ATAD2B: variants seen among roughly 807,000 people sequenced by gnomAD.
ATAD2B encodes ATPase family AAA domain containing 2B.
ATAD2B carries 40 observed loss-of-function variants against 167.6 expected under a neutral mutation model. That is an observed-to-expected ratio of 0.24 (90% CI 0.19 to 0.31). The LOEUF is 0.31. Ranked by LOEUF, ATAD2B falls within the 10% of genes least tolerant of loss-of-function variation. The probability of loss-of-function intolerance (pLI) is 1.00; values close to 1 mark genes in which losing one functional copy is unlikely to be tolerated. For missense variants in ATAD2B, 1,242 were observed against 1,757.2 expected (o/e 0.71, Z 5.24); for synonymous variants, 579 against 596.5 (o/e 0.97, Z 0.43).
the ATAD2B span, among the ~76,000 whole-genome samples, chr2:23,728,508 C>T: frequency 3.0e-4 from 46 of 151,852 alleles, no homozygotes; most frequent in African/African-American, 1.0e-3. Flanking sequence ...ATAGGAGGAA[C>T]CTTAAAACCT....
At chr2:23,808,165 TAA>T (rs1176751428) in intron 18 of ATAD2B, among the ~76,000 whole-genome samples, 7 of 59,828 alleles carry the variant, frequency 1.2e-4, no homozygotes, top group East Asian at 4.7e-4. Flanking sequence ...TATTTATATA[TAA>T]GTGATATATA....
At chr2:23,878,569 G>C (rs1410765907) in intron 7 of ATAD2B, among the ~76,000 whole-genome samples, 1 of 152,062 alleles carries the variant, frequency 6.6e-6, no homozygotes, top group African/African-American at 2.4e-5. Flanking sequence ...TGAGGCAGGA[G>C]AATGGCATGA....
chr2:23,798,503 C>CA lies in ATAD2B; in HGVS notation c.2455-181dup, dbSNP rs199838286. Reference sequence around the variant, plus strand: ...CAGCTTCAATCTACCCTTGCCCCACCAAAAAAAAAAAAAGTATGTTTTGCC... The same window carrying CA: ...CAGCTTCAATCTACCCTTGCCCCACCAAAAAAAAAAAAAAGTATGTTTTGCC... On this transcript the variant is annotated intron_variant, in intron 18 of 27. Transcript: ENST00000238789. Among the ~76,000 whole-genome samples the CA allele has an allele frequency of 7.2e-3, 967 of 133,608 alleles. 31 individuals are homozygous for CA. The East Asian group carries it at 0.11, about 16-fold the overall frequency. The allele number at this position is 133,608 out of a possible 152,430, so 87.7% of individuals were successfully genotyped here. A position where few individuals can be genotyped will look rare whatever the true frequency, so the allele number is the denominator to read the frequency against.
At chr2:23,875,543 A>T (rs1282802002) in intron 8 of ATAD2B, among the ~76,000 whole-genome samples, 1 of 152,034 alleles carries the variant, frequency 6.6e-6, no homozygotes, top group African/African-American at 2.4e-5. Context: ...ACCTACATGT[A>T]AAAGAAAGCA....
chr2:23,804,707 T>C (rs1323863640), intron 18 of ATAD2B, among the ~76,000 whole-genome samples: 1 of 150,450 alleles, frequency 6.6e-6, no homozygotes, highest in Non-Finnish European at 1.5e-5. Flanking sequence ...CATCAATATA[T>C]AGTTCACTAC....
At chr2:23,911,976 C>CAAA (rs1160482347) in intron 1 of ATAD2B, among the ~76,000 whole-genome samples, 1 of 63,146 alleles carries the variant, frequency 1.6e-5, no homozygotes, top group Non-Finnish European at 3.1e-5. Context: ...GATTCCATCT[C>CAAA]AAAAAAAAAA....
At chr2:23,896,366 C>G (rs1417943514) in intron 1 of ATAD2B, among the ~76,000 whole-genome samples, 1 of 151,482 alleles carries the variant, frequency 6.6e-6, no homozygotes, top group Non-Finnish European at 1.5e-5. Flanking sequence ...GATAATCAAG[C>G]ATTTCGTCAA....
At chr2:23,909,767 G>GT (rs1215344179) in intron 1 of ATAD2B, among the ~76,000 whole-genome samples, 1 of 151,744 alleles carries the variant, frequency 6.6e-6, no homozygotes, top group Non-Finnish European at 1.5e-5. Context: ...ACAAAACAAA[G>GT]TAATACTTAT....
intron 8 of ATAD2B, 46 bp downstream of exon 8, chr2:23,875,783 C>G (rs1209863141): frequency 8.0e-7 from 1 of 1,242,670 alleles, no homozygotes; most frequent in Non-Finnish European, 1.2e-6. Context: ...CACAATTAGT[C>G]TCTCATTGAC....
chr2:23,885,923 G>GC, intron 4 of ATAD2B, 94 bp from the exon 5 acceptor site: 2 of 712,872 alleles, frequency 2.8e-6, no homozygotes, highest in Non-Finnish European at 4.5e-6. Flanking sequence ...CATCTCTGAT[G>GC]TGTAACTACA....
At chr2:23,819,645 T>C in intron 17 of ATAD2B, 102 bp downstream of exon 17, 1 of 902,486 alleles carries the variant, frequency 1.1e-6, no homozygotes, top group Non-Finnish European at 1.5e-6. Flanking sequence ...AGAAAAACAA[T>C]ATCCTCACAG....
At chr2:23,697,820 C>T in the ATAD2B span, 1 of 152,164 alleles carries the variant, frequency 6.6e-6, no homozygotes, top group Non-Finnish European at 1.5e-5. Flanking sequence ...TGACCCACTG[C>T]CCAGCTATGC....
intron 6 of ATAD2B, among the ~76,000 whole-genome samples, chr2:23,882,922 T>C (rs182129070): frequency 1.3e-5 from 2 of 151,950 alleles, no homozygotes; most frequent in Admixed American, 1.3e-4. Context: ...AACACAATCA[T>C]ATTAAAGCAT....
chr2:23,680,379 G>A, the ATAD2B span, among the ~76,000 whole-genome samples: 2 of 152,184 alleles, frequency 1.3e-5, no homozygotes, highest in Non-Finnish European at 2.9e-5. The surrounding 1 kb of genome is among the most constrained non-coding windows in gnomAD (Gnocchi z 4.1). Context: ...GGGGAAAGGG[G>A]CAAAGAGGCC....
intron 24 of ATAD2B, among the ~76,000 whole-genome samples, chr2:23,761,559 C>A (rs939026470): frequency 6.6e-6 from 1 of 152,168 alleles, no homozygotes; most frequent in African/African-American, 2.4e-5. Context: ...TGGATTATCA[C>A]CTTTATACCA....
At chr2:23,857,724 C>T (rs914875825) in intron 12 of ATAD2B, among the ~76,000 whole-genome samples, 1 of 149,180 alleles carries the variant, frequency 6.7e-6, no homozygotes, top group Non-Finnish European at 1.5e-5. Flanking sequence ...CATACTTATA[C>T]ACAAACCAAA....
Position 23,914,236 on chromosome 2 carries a change from A to AT in ATAD2B, c.216+12318_216+12319insA, listed in dbSNP as rs1474940282. 1.1e-4 allele frequency among the ~76,000 whole-genome samples: 16 copies of AT among 152,348 alleles called. No individual in the cohort carries two copies. The South Asian group carries it at 3.3e-3, about 32-fold the overall frequency. ...AAGGACAGGTTGTCTATCAGAATGAACAAAATGAATCAAAAACCTAAATAG... is the reference window on the plus strand; with the variant it reads ...AAGGACAGGTTGTCTATCAGAATGAATCAAAATGAATCAAAAACCTAAATAG... On this transcript the variant is annotated intron_variant, in intron 1 of 27. Transcript: ENST00000238789.
chr2:23,693,819 C>T, the ATAD2B span, among the ~76,000 whole-genome samples: 26 of 152,150 alleles, frequency 1.7e-4, no homozygotes, highest in African/African-American at 5.8e-4. Flanking sequence ...GAACACGGAC[C>T]CAGCTGGAGG....
At chr2:23,913,974 C>A (rs1479371158) in intron 1 of ATAD2B, among the ~76,000 whole-genome samples, 2 of 151,940 alleles carry the variant, frequency 1.3e-5, no homozygotes, top group Admixed American at 6.6e-5. Context: ...TCAAAAAAAA[C>A]CACACCAGTA....
Sources: allele counts gnomAD v4.1 joint callset (sites outside exome capture counted in the v4.1 genomes callset), GRCh38; gene constraint gnomAD v4.1.1; non-coding constraint Gnocchi (gnomAD v3.1); transcripts MANE v1.5; gene names NCBI Gene and HGNC (gene_info 2026-07-23, HGNC 2026-07-21).